The following CDH13 variants were observed in gnomAD, a reference collection of about 807,000 sequenced individuals.
CDH13 encodes cadherin 13.
A neutral mutation model predicts 63.8 loss-of-function variants in CDH13; 24 were observed. The ratio of observed to expected loss-of-function variants is 0.38; its 90% CI spans 0.27 to 0.53. The LOEUF is 0.53. Ranked by LOEUF, CDH13 falls within the 20% of genes least tolerant of loss-of-function variation. The pLI is 0.85. For synonymous variants in CDH13, 503 were observed against 355.3 expected, an observed-to-expected ratio of 1.42 and a Z score of -4.67; for missense variants, 1,049 against 903.1, an observed-to-expected ratio of 1.16 and a Z score of -2.07.
chr16:83,153,593 C>T (rs1276131003), intron 4 of CDH13, among the ~76,000 whole-genome samples: 1 of 152,170 alleles, frequency 6.6e-6, no homozygotes, highest in African/African-American at 2.4e-5. Flanking sequence ...TGAACAGGGA[C>T]AGTTTGGAGG....
intron 10 of CDH13, among the ~76,000 whole-genome samples, chr16:83,733,609 A>G (rs973392929): frequency 6.6e-6 from 1 of 152,170 alleles, no homozygotes; most frequent in Non-Finnish European, 1.5e-5. Context: ...GACTTCTTGA[A>G]AGTGGCAATA....
In CDH13 at chr16:82,925,752, G is replaced by C. The variant is rs7198429; in HGVS notation, c.157+67279G>C. On this transcript the variant is annotated intron_variant, in intron 2 of 13. Coordinates refer to ENST00000567109, the MANE Select transcript of CDH13 (RefSeq NM_001257.5). Reference sequence around the variant, plus strand: ...AACCTCTACCTAAGAGCAGCCCATTGCTAGCTCTCGCACCCTCTCTGCCCT... The same window carrying C: ...AACCTCTACCTAAGAGCAGCCCATTCCTAGCTCTCGCACCCTCTCTGCCCT... Among the ~76,000 whole-genome samples, 592 of 152,276 alleles carry C rather than the reference G, an allele frequency of 3.9e-3. 2 individuals are homozygous for C. The highest frequency in any genetic ancestry group is 0.014 in the African/African-American group (571 of 41,570).
intron 2 of CDH13, among the ~76,000 whole-genome samples, chr16:82,862,303 C>T (rs921344039): frequency 1.3e-5 from 2 of 152,154 alleles, no homozygotes; most frequent in Admixed American, 6.6e-5. Flanking sequence ...GACCAGCCAC[C>T]CAGCTGGGAT....
At chr16:83,326,406 A>G (rs1216362575) in intron 5 of CDH13, among the ~76,000 whole-genome samples, 1 of 150,364 alleles carries the variant, frequency 6.7e-6, no homozygotes, top group Non-Finnish European at 1.5e-5. Flanking sequence ...ATTCACTACC[A>G]TGGACACCAC....
chr16:82,937,885 G>A (rs567594185), intron 2 of CDH13, among the ~76,000 whole-genome samples: 88 of 152,266 alleles, frequency 5.8e-4, no homozygotes, highest in South Asian at 1.7e-3. Flanking sequence ...CAATTGGATG[G>A]AGGTAAAAAT....
At chr16:83,258,150 A>G (rs1446376536) in intron 5 of CDH13, among the ~76,000 whole-genome samples, 1 of 152,254 alleles carries the variant, frequency 6.6e-6, no homozygotes, top group African/African-American at 2.4e-5. Flanking sequence ...ACAATAACGT[A>G]TACTAATCAC....
chr16:83,191,466 T>TATATATATATATATATATATATATAC (rs2038699428), intron 4 of CDH13, among the ~76,000 whole-genome samples: 1 of 116,182 alleles, frequency 8.6e-6, no homozygotes, highest in Non-Finnish European at 1.8e-5. Flanking sequence ...GAAATATATA[T>TATATATATATATATATATATATATAC]ATATATATAT....
At chr16:83,094,610 T>C (rs12928432) in intron 3 of CDH13, among the ~76,000 whole-genome samples, 60,680 of 151,912 alleles carry the variant, frequency 0.4, 12,880 homozygotes, top group Middle Eastern at 0.58. Context: ...TCTTAGTTTA[T>C]AGCTGTCAGC....
intron 6 of CDH13, among the ~76,000 whole-genome samples, chr16:83,369,833 C>T (rs958226792): frequency 3.3e-5 from 5 of 152,196 alleles, no homozygotes; most frequent in African/African-American, 1.2e-4. Context: ...CATTCCCAAA[C>T]TGTGAGCCTC....
intron 5 of CDH13, among the ~76,000 whole-genome samples, chr16:83,265,887 G>C (rs946077824): frequency 7.2e-5 from 11 of 151,856 alleles, no homozygotes; most frequent in Non-Finnish European, 1.5e-5. Flanking sequence ...CTCAAAATGG[G>C]TGATGGGGTT....
chr16:82,631,616 C>T (rs550146910), intron 1 of CDH13, among the ~76,000 whole-genome samples: 1 of 152,216 alleles, frequency 6.6e-6, no homozygotes, highest in Non-Finnish European at 1.5e-5. Flanking sequence ...CTGCAGCCAC[C>T]TGGGATCCCA....
At chr16:83,347,976 G>A (rs1411174517) in intron 6 of CDH13, among the ~76,000 whole-genome samples, 1 of 151,468 alleles carries the variant, frequency 6.6e-6, no homozygotes, top group Non-Finnish European at 1.5e-5. Context: ...TGGATCTTGA[G>A]GTCAGGAGTT....
intron 3 of CDH13, among the ~76,000 whole-genome samples, chr16:83,108,374 G>C (rs2034887530): frequency 6.6e-6 from 1 of 152,198 alleles, no homozygotes; most frequent in Non-Finnish European, 1.5e-5. Context: ...AACCAGGAAA[G>C]ACTGGGCTCA....
chr16:83,282,328 T>A (rs2089198578), intron 5 of CDH13, among the ~76,000 whole-genome samples: 1 of 152,200 alleles, frequency 6.6e-6, no homozygotes, highest in Non-Finnish European at 1.5e-5. Context: ...TGAGAATATG[T>A]TGATAGACAT....
chr16:83,738,533 C>A (rs1000197007), intron 10 of CDH13, among the ~76,000 whole-genome samples: 2 of 152,276 alleles, frequency 1.3e-5, no homozygotes, highest in African/African-American at 2.4e-5. Flanking sequence ...TTGGAGCCAC[C>A]CCCTACCACT....
intron 2 of CDH13, among the ~76,000 whole-genome samples, chr16:82,908,776 T>C (rs1597190254): frequency 1.3e-5 from 2 of 152,176 alleles, no homozygotes. Context: ...TTTTATAATA[T>C]AGTGTAATGT....
intron 8 of CDH13, among the ~76,000 whole-genome samples, chr16:83,610,812 A>G (rs956021273): frequency 6.6e-6 from 1 of 152,202 alleles, no homozygotes; most frequent in African/African-American, 2.4e-5. Context: ...TTTGAAGCTT[A>G]TATGTGTTTC....
intron 2 of CDH13, among the ~76,000 whole-genome samples, chr16:82,993,348 C>T (rs993962447): frequency 1.3e-4 from 20 of 151,974 alleles, no homozygotes; most frequent in Admixed American, 3.9e-4. Flanking sequence ...GATGCTTACG[C>T]TTATTAAACT....
At chr16:83,215,009 C>G (rs1386883764) in intron 4 of CDH13, among the ~76,000 whole-genome samples, 1 of 144,024 alleles carries the variant, frequency 6.9e-6, no homozygotes, top group Non-Finnish European at 1.5e-5. Context: ...GGAAAAGTAT[C>G]AGTTGGATTA....
Sources: allele counts gnomAD v4.1 joint callset (sites outside exome capture counted in the v4.1 genomes callset), GRCh38; gene constraint gnomAD v4.1.1; transcripts MANE v1.5; gene names NCBI Gene and HGNC (gene_info 2026-07-23, HGNC 2026-07-21).